Variants in NF1 observed in about 807,000 individuals in gnomAD.
NF1 encodes the protein neurofibromin 1.
A neutral mutation model predicts 325.7 loss-of-function variants in NF1; 122 were observed. The observed-to-expected ratio is 0.37, with a 90% CI of 0.32 to 0.44. NF1 has a LOEUF of 0.44. NF1 is among the 20% of genes least tolerant of loss of function. NF1 has a pLI of 1.00. For synonymous variants in NF1, 1,091 were observed against 1,186.0 expected, an observed-to-expected ratio of 0.92 and a Z score of 1.65; for missense variants, 2,140 against 3,415.4, an observed-to-expected ratio of 0.63 and a Z score of 9.31.
At chr17:31,370,837 C>T (rs1194662988) in intron 57 of NF1, among the ~76,000 whole-genome samples, 1 of 152,136 alleles carries the variant, frequency 6.6e-6, no homozygotes, top group Non-Finnish European at 1.5e-5. Context: ...TGCGGGCCAG[C>T]TCCAAGTTGT....
At chr17:31,334,582 CAAGA>C (rs1380221801) in intron 39 of NF1, 3 of 438,936 alleles carry the variant, frequency 6.8e-6, no homozygotes, top group Admixed American at 8.0e-5. Context: ...AACTTTTTAA[CAAGA>C]AAGGACTAAA....
At chr17:31,349,575 T>C (rs2070088937) in intron 49 of NF1, among the ~76,000 whole-genome samples, 1 of 152,190 alleles carries the variant, frequency 6.6e-6, no homozygotes, top group African/African-American at 2.4e-5. Flanking sequence ...TCAGTTCTGT[T>C]ATCTTTCTCT....
intron 57 of NF1, chr17:31,361,676 T>A (rs971999383): frequency 9.2e-5 from 14 of 152,060 alleles, no homozygotes; most frequent in African/African-American, 3.1e-4. Context: ...AGCATAAATT[T>A]AAAAAAAATC....
intron 36 of NF1, among the ~76,000 whole-genome samples, chr17:31,291,504 C>A (rs2068342652): frequency 6.6e-6 from 1 of 152,082 alleles, no homozygotes; most frequent in African/African-American, 2.4e-5. Context: ...TAGTGGGCAT[C>A]CTTGTTTCGA....
intron 1 of NF1, among the ~76,000 whole-genome samples, chr17:31,099,515 A>G (rs1034270337): frequency 1.3e-5 from 2 of 151,868 alleles, no homozygotes; most frequent in Non-Finnish European, 2.9e-5. Flanking sequence ...GTGGTGCCAA[A>G]TAGCAAGTTT....
intron 13 of NF1, among the ~76,000 whole-genome samples, chr17:31,215,829 A>G (rs2066810808): frequency 6.6e-6 from 1 of 152,204 alleles, no homozygotes; most frequent in African/African-American, 2.4e-5. Context: ...TTTTTAAATT[A>G]CTGTAATACA....
At chr17:31,210,835 CTT>C (rs767734893) in intron 12 of NF1, among the ~76,000 whole-genome samples, 54 of 152,122 alleles carry the variant, frequency 3.5e-4, no homozygotes, top group African/African-American at 1.0e-3. Context: ...TATTTAAACT[CTT>C]TGGCCCTTTT....
chr17:31,153,126 G>A (rs544679985), intron 1 of NF1, among the ~76,000 whole-genome samples: 9 of 151,928 alleles, frequency 5.9e-5, no homozygotes, highest in Non-Finnish European at 1.2e-4. Context: ...TTTCAGTTTG[G>A]AGTTCATTCT....
chr17:31,215,957 C>A (rs925374247), intron 13 of NF1, among the ~76,000 whole-genome samples: 9 of 152,098 alleles, frequency 5.9e-5, no homozygotes, highest in African/African-American at 2.2e-4. Context: ...GAAGAAGGAA[C>A]ATTCCCAAAG....
chr17:31,141,331 T>C (rs1388231877), intron 1 of NF1, among the ~76,000 whole-genome samples: 8 of 152,110 alleles, frequency 5.3e-5, no homozygotes, highest in Non-Finnish European at 7.4e-5. Context: ...TTTAGGTATC[T>C]GAAATACTTA....
chr17:31,266,546 G>T (rs17886780), intron 36 of NF1, among the ~76,000 whole-genome samples: 2 of 151,920 alleles, frequency 1.3e-5, no homozygotes, highest in African/African-American at 4.8e-5. Flanking sequence ...TTTAATTTTC[G>T]TTTGCGTTTG....
At chr17:31,305,068 G>T in intron 36 of NF1, 1 of 1,614,162 alleles carries the variant, frequency 6.2e-7, no homozygotes, top group South Asian at 1.1e-5. Context: ...AAATCCTGGT[G>T]TACTCCTAGG....
intron 36 of NF1, among the ~76,000 whole-genome samples, chr17:31,317,112 TA>T (rs1408803516): frequency 3.9e-5 from 6 of 152,086 alleles, no homozygotes; most frequent in Admixed American, 1.3e-4. Context: ...AAAAAACATA[TA>T]AAAAATATTT....
intron 13 of NF1, among the ~76,000 whole-genome samples, chr17:31,215,494 T>A (rs1026676958): frequency 1.3e-5 from 2 of 152,242 alleles, no homozygotes; most frequent in African/African-American, 2.4e-5. Context: ...TCTCATCTGA[T>A]ATATTGGGAT....
At position 31,307,885 on chromosome 17, in the gene NF1, A is replaced by G; in HGVS notation, c.4836-17935A>G. 4.7e-6 allele frequency: 6 copies of G among 1,289,096 alleles called. No homozygotes were observed. The South Asian group carries it at 4.9e-5, about 11-fold the overall frequency. 79.9% of individuals were successfully genotyped at this position (1,289,096 alleles called of 1,614,324 possible). A position where few individuals can be genotyped will look rare whatever the true frequency, so the allele number is the denominator to read the frequency against. On this transcript the variant is annotated intron_variant, in intron 36 of 57. Transcript: ENST00000358273. ...AGGTGCAATAAAGGTTTTACAAATT[A>G]CCTTTTCAGCATATCTAAACAGCAT...
At chr17:31,207,770 A>T (rs2066649513) in intron 12 of NF1, among the ~76,000 whole-genome samples, 2 of 152,170 alleles carry the variant, frequency 1.3e-5, no homozygotes, top group African/African-American at 4.8e-5. Context: ...AAACTACTTG[A>T]AATAAGTTGT....
rs764884159 is a variant in NF1, at chr17:31,360,528, T to C, written c.8202T>C (p.Phe2734=). ...IPDYAELIVK[F]LDALIDTYLP... ...ACTATGCTGAGCTTATTGTTAAGTT[T>C]CTTGATGCCTTGATTGACACGTACC... The change falls in exon 57 of 58, where the codon TTT becomes TTC. Residue 2734 remains phenylalanine, a synonymous_variant. Transcript: ENST00000358273. 3 of 1,614,188 alleles carry C rather than the reference T, an allele frequency of 1.9e-6. No individual in the cohort carries two copies. The highest frequency in any genetic ancestry group is 2.5e-6 in the Non-Finnish European group (3 of 1,180,036).
chr17:31,375,670 G>GT lies in NF1; in HGVS notation c.*1516dup. 1 of 232,880 alleles carries GT rather than the reference G, an allele frequency of 4.3e-6. No individual in the cohort carries two copies. The highest frequency in any genetic ancestry group is 2.2e-5 in the African/African-American group (1 of 45,416). 14.4% of individuals were successfully genotyped at this position (232,880 alleles called of 1,614,324 possible). ...CTAGGGGAGAGGGGAGTTTCCTGTA[G>GT]TGCTGTTTCATTAGAGGATTTCAGT... On this transcript the variant is annotated 3_prime_UTR_variant, in exon 58 of 58. Coordinates refer to ENST00000358273, the MANE Select transcript of NF1 (RefSeq NM_001042492.3).
intron 5 of NF1, among the ~76,000 whole-genome samples, chr17:31,176,455 G>A (rs1210567504): frequency 1.3e-5 from 2 of 152,114 alleles, no homozygotes; most frequent in Non-Finnish European, 2.9e-5. Context: ...CATTCTGTAG[G>A]TTGCCTGTTC....
Sources: allele counts gnomAD v4.1 joint callset (sites outside exome capture counted in the v4.1 genomes callset), GRCh38; gene constraint gnomAD v4.1.1; transcripts MANE v1.5; gene names NCBI Gene and HGNC (gene_info 2026-07-23, HGNC 2026-07-21).